Variants in RLBP1 observed in about 807,000 individuals in gnomAD.
RLBP1 encodes retinaldehyde-binding protein 1.
A neutral mutation model predicts 36.2 loss-of-function variants in RLBP1; 26 were observed. The ratio of observed to expected loss-of-function variants is 0.72; its 90% CI spans 0.53 to 1.00. RLBP1 has a LOEUF of 1.00. RLBP1 is among the 50% of genes least tolerant of loss of function. The probability of loss-of-function intolerance (pLI) is 0.00; values close to 1 mark genes in which losing one functional copy is unlikely to be tolerated. For synonymous variants in RLBP1, 155 were observed against 156.2 expected (o/e 0.99, Z 0.06); for missense variants, 410 against 402.4 (o/e 1.02, Z -0.16).
intron 2 of RLBP1, among the ~76,000 whole-genome samples, chr15:89,219,339 C>T (rs1204979996): frequency 1.3e-5 from 2 of 152,156 alleles, no homozygotes; most frequent in Non-Finnish European, 2.9e-5. Context: ...ATAGCTCAGT[C>T]CTTAGATGTT....
chr15:89,212,741 T>C (rs2051549408), intron 6 of RLBP1, among the ~76,000 whole-genome samples: 1 of 151,634 alleles, frequency 6.6e-6, no homozygotes, highest in South Asian at 2.1e-4. Flanking sequence ...CTGTAATTTT[T>C]TTTTTGAGAT....
rs368935681 is a variant in RLBP1, at chr15:89,218,728, C to T, written c.13-35G>A. Reference sequence around the variant, plus strand: ...GAAAGGAAAAAGAGGAACAGCCAACCGCATCAGCCTGAGCCAGCCAGGGAA... The same window carrying T: ...GAAAGGAAAAAGAGGAACAGCCAACTGCATCAGCCTGAGCCAGCCAGGGAA... On this transcript the variant is annotated intron_variant, in intron 3 of 8. Coordinates refer to ENST00000268125, the MANE Select transcript of RLBP1 (RefSeq NM_000326.5). This position sits in a 1 kb window ranked among gnomAD's most constrained non-coding sequence, Gnocchi z 4.6. The T allele has an allele frequency of 6.6e-5, 106 of 1,612,118 alleles. No individual in the cohort carries two copies. The highest frequency in any genetic ancestry group is 8.0e-5 in the African/African-American group (6 of 74,920).
At position 89,210,718 on chromosome 15, in the gene RLBP1, T is replaced by G. The variant is rs2051530526; in HGVS notation, c.776A>C (p.Lys259Thr). ...TTYNVVKPFLKSKLLERVFVH... is the reference protein window; with the variant it reads ...TTYNVVKPFLTSKLLERVFVH... ...ACTCACCCTCTCAAGCAGCTTGCTC[T>G]TCAAGAAGGGCTTGACCACATTGTA... is the stretch of plus-strand genomic sequence containing the variant. The change falls in exon 8 of 9, where the codon AAG (lysine) becomes ACG (threonine). Residue 259 changes from lysine to threonine, a missense_variant. Lys to Thr is a moderately conservative substitution (Grantham distance 78). Coordinates refer to ENST00000268125, the MANE Select transcript of RLBP1 (RefSeq NM_000326.5). The surrounding 1 kb of genome is among the most constrained non-coding windows in gnomAD (Gnocchi z 4.7). 3 of 1,598,984 alleles carry G rather than the reference T, an allele frequency of 1.9e-6. No individual in the cohort carries two copies. In the South Asian group the frequency reaches 3.4e-5, roughly 18 times the overall value.
Position 89,210,701 on chromosome 15 carries a change from T to G in RLBP1, c.793A>C (p.Arg265=). The G allele has an allele frequency of 6.3e-7, 1 of 1,589,814 alleles. No homozygotes were observed. Among genetic ancestry groups the G allele is most frequent in the Non-Finnish European group, 8.6e-7 (1 of 1,165,598 alleles). ...KPFLKSKLLE[R]VFVHGDDLSG... ...GTCTGGGCGGCCCACGTACTCACCC[T>G]CTCAAGCAGCTTGCTCTTCAAGAAG... Residue 265 remains arginine, a splice_region_variant and synonymous_variant, in exon 8 of 9, where the codon AGG becomes CGG. Coordinates refer to ENST00000268125, the MANE Select transcript of RLBP1 (RefSeq NM_000326.5). This position sits in a 1 kb window ranked among gnomAD's most constrained non-coding sequence, Gnocchi z 4.7.
chr15:89,210,211 C>A lies in RLBP1; in HGVS notation c.*74G>T. 1 of 1,574,922 alleles carries A rather than the reference C, an allele frequency of 6.3e-7. No homozygotes were observed. The highest frequency in any genetic ancestry group is 1.7e-5 in the Admixed American group (1 of 59,974). On this transcript the variant is annotated 3_prime_UTR_variant, in exon 9 of 9. Coordinates refer to ENST00000268125, the MANE Select transcript of RLBP1 (RefSeq NM_000326.5). This position sits in a 1 kb window ranked among gnomAD's most constrained non-coding sequence, Gnocchi z 4.7. Reference sequence around the variant, plus strand: ...CCACAGTCATCTCAAGCAGCCCTTTCCTAGCCTTGGGTCCAGGACAGTTGA... The same window carrying A: ...CCACAGTCATCTCAAGCAGCCCTTTACTAGCCTTGGGTCCAGGACAGTTGA...
intron 6 of RLBP1, among the ~76,000 whole-genome samples, chr15:89,213,835 T>C (rs1193516413): frequency 6.6e-6 from 1 of 152,168 alleles, no homozygotes; most frequent in Non-Finnish European, 1.5e-5. Flanking sequence ...CAAAACATAC[T>C]CCTAATATTT....
At chr15:89,215,001 C>G in intron 6 of RLBP1, 59 bp downstream of exon 6, 1 of 1,568,054 alleles carries the variant, frequency 6.4e-7, no homozygotes, top group African/African-American at 1.3e-5. Context: ...CCAGTAGAGG[C>G]CAGGGTTGAG....
Position 89,211,801 on chromosome 15 carries a change from A to G in RLBP1, c.626T>C (p.Met209Thr), listed in dbSNP as rs775355367. Reference protein sequence around the residue: ...CIIENFKGFTMQQAASLRTSD... With the variant: ...CIIENFKGFTTQQAASLRTSD... ...AGTCCGGAGACTAGCAGCCTGCTGC[A>G]TGGTAAAGCCCTTGAAGTTCTCAAT... is the stretch of plus-strand genomic sequence containing the variant. Residue 209 changes from methionine to threonine, a missense_variant, in exon 7 of 9, where the codon ATG becomes ACG. Met to Thr is a moderately conservative substitution (Grantham distance 81). Coordinates refer to ENST00000268125, the MANE Select transcript of RLBP1 (RefSeq NM_000326.5). This position sits in a 1 kb window ranked among gnomAD's most constrained non-coding sequence, Gnocchi z 5.8. 5.0e-6 allele frequency: 8 copies of G among 1,614,100 alleles called. No individual in the cohort carries two copies. The East Asian group carries it at 1.3e-4, about 27-fold the overall frequency.
chr15:89,219,076 C>T lies in RLBP1; in HGVS notation c.-100-1G>A, dbSNP rs2051606876. The stretch of plus-strand genomic sequence containing the variant: ...CCTTCCCTAGGATAGGAAGTCAGGG[C>T]TGCAGGGGTTAGAAAAACCATTCTG... On this transcript the variant is annotated splice_acceptor_variant, in intron 2 of 8. Transcript: ENST00000268125. LOFTEE classifies it low-confidence loss of function (5UTR_SPLICE). The T allele has an allele frequency of 3.6e-6, 5 of 1,391,478 alleles. No individual in the cohort carries two copies. Among genetic ancestry groups the T allele is most frequent in the Non-Finnish European group, 5.1e-6 (5 of 980,538 alleles). 86.2% of individuals were successfully genotyped at this position (1,391,478 alleles called of 1,614,324 possible). A position where few individuals can be genotyped will look rare whatever the true frequency, so the allele number is the denominator to read the frequency against.
rs886207068 is a variant in RLBP1, at chr15:89,219,048, G to T, written c.-73C>A. 2.5e-6 allele frequency: 4 copies of T among 1,592,634 alleles called. No individual in the cohort carries two copies. Among genetic ancestry groups the T allele is most frequent in the Non-Finnish European group, 2.6e-6 (3 of 1,161,480 alleles). Reference sequence around the variant, plus strand: ...TTCTCTGTCCTGGCCTCTCCAGCCGGCCCCTTCCCTAGGATAGGAAGTCAG... The same window carrying T: ...TTCTCTGTCCTGGCCTCTCCAGCCGTCCCCTTCCCTAGGATAGGAAGTCAG... On this transcript the variant is annotated 5_prime_UTR_variant, in exon 3 of 9. Transcript: ENST00000268125.
chr15:89,212,283 T>C (rs937928100), intron 6 of RLBP1, among the ~76,000 whole-genome samples: 2 of 152,158 alleles, frequency 1.3e-5, no homozygotes, highest in Non-Finnish European at 2.9e-5. Context: ...ATCCCATTAT[T>C]GTAAGAAAAA....
rs1019512521 is a variant in RLBP1, at chr15:89,210,500, G to T, written c.796-57C>A. The T allele has an allele frequency of 1.0e-5, 16 of 1,592,282 alleles. No homozygotes were observed. In the African/African-American group the frequency reaches 1.5e-4, roughly 15 times the overall value. On this transcript the variant is annotated intron_variant, in intron 8 of 8. Coordinates refer to ENST00000268125, the MANE Select transcript of RLBP1 (RefSeq NM_000326.5). The surrounding 1 kb of genome is among the most constrained non-coding windows in gnomAD (Gnocchi z 4.7). The stretch of plus-strand genomic sequence containing the variant: ...AGGAGGAGGTGCCCTAAGGATGAGG[G>T]TTGAGGGAGGAAAGGGGCAGGAGGA...
intron 2 of RLBP1, among the ~76,000 whole-genome samples, 158 bp from the exon 3 acceptor site, chr15:89,219,233 A>T (rs914805440): frequency 3.3e-5 from 5 of 152,294 alleles, no homozygotes; most frequent in East Asian, 3.9e-4. Flanking sequence ...GTGGCCTAGG[A>T]ACCTGCAATT....
In RLBP1 at chr15:89,211,845, T is replaced by C. The variant is rs755543492; in HGVS notation, c.582A>G (p.Gln194=). 6 of 1,614,104 alleles carry C rather than the reference T, an allele frequency of 3.7e-6. No homozygotes were observed. Among genetic ancestry groups the C allele is most frequent in the Non-Finnish European group, 5.1e-6 (6 of 1,180,042 alleles). The change falls in exon 7 of 9, where the codon CAA becomes CAG. Residue 194 remains glutamine, a synonymous_variant. Coordinates refer to ENST00000268125, the MANE Select transcript of RLBP1 (RefSeq NM_000326.5). The surrounding 1 kb of genome is among the most constrained non-coding windows in gnomAD (Gnocchi z 5.8). ...LEKLLENEET[Q]INGFCIIENF... is the part of the protein sequence containing the mutation. ...TCTCAATGATGCAGAAGCCATTGAT[T>C]TGAGTTTCCTCATTCTCCAGCAGCT...
At position 89,211,954 on chromosome 15, in the gene RLBP1, G is replaced by C; in HGVS notation, c.526-53C>G. On this transcript the variant is annotated intron_variant, in intron 6 of 8. Transcript: ENST00000268125. The surrounding 1 kb of genome is among the most constrained non-coding windows in gnomAD (Gnocchi z 5.8). The stretch of plus-strand genomic sequence containing the variant: ...GATCTAACCCGCAACAATAATTAAG[G>C]CTTGAGGTCCTGAGGGGAGAGCTAA... 3 of 1,596,898 alleles carry C rather than the reference G, an allele frequency of 1.9e-6. No homozygotes were observed. Among genetic ancestry groups the C allele is most frequent in the Non-Finnish European group, 2.6e-6 (3 of 1,166,464 alleles).
Position 89,210,833 on chromosome 15 carries a change from G to T in RLBP1, c.685-24C>A, listed in dbSNP as rs759514093. ...TCCTGCGGTGACAGAGAGATACCCCGTTCCCCATGGCCCCAGTGACCTCAG... is the reference window on the plus strand; with the variant it reads ...TCCTGCGGTGACAGAGAGATACCCCTTTCCCCATGGCCCCAGTGACCTCAG... On this transcript the variant is annotated intron_variant, in intron 7 of 8. Transcript: ENST00000268125. This position sits in a 1 kb window ranked among gnomAD's most constrained non-coding sequence, Gnocchi z 4.7. 3 of 1,494,852 alleles carry T rather than the reference G, an allele frequency of 2.0e-6. No homozygotes were observed. Among genetic ancestry groups the T allele is most frequent in the Non-Finnish European group, 2.7e-6 (3 of 1,093,310 alleles). The allele number at this position is 1,494,852 out of a possible 1,614,324, so 92.6% of individuals were successfully genotyped here.
intron 2 of RLBP1, 81 bp from the exon 3 acceptor site, chr15:89,219,156 G>A (rs780477597): frequency 1.1e-5 from 8 of 734,758 alleles, no homozygotes; most frequent in African/African-American, 1.7e-5. Flanking sequence ...AATCACCCGA[G>A]GCATTTGTTA....
rs2051560721 is a variant in RLBP1 at position 89,214,261 on chromosome 15, G to A, written c.525+799C>T. Among the ~76,000 whole-genome samples the A allele has an allele frequency of 6.6e-6, 1 of 152,112 alleles. No homozygotes were observed. The highest frequency in any genetic ancestry group is 1.5e-5 in the Non-Finnish European group (1 of 68,028). The stretch of plus-strand genomic sequence containing the variant: ...GGATCACTTGAGCTCAGGAGTTTGA[G>A]ACCAGCCTGGCCAACATGGTGAAAC... On this transcript the variant is annotated intron_variant, in intron 6 of 8. Transcript: ENST00000268125. The surrounding 1 kb of genome is among the most constrained non-coding windows in gnomAD (Gnocchi z 4.6).
Position 89,210,196 on chromosome 15 carries a change from C to T in RLBP1, c.*89G>A, listed in dbSNP as rs1453135707. The T allele has an allele frequency of 6.6e-7, 1 of 1,512,382 alleles. No homozygotes were observed. 93.7% of individuals were successfully genotyped at this position (1,512,382 alleles called of 1,614,324 possible). ...GAGTCTAAGGGGGGACCACAGTCAT[C>T]TCAAGCAGCCCTTTCCTAGCCTTGG... On this transcript the variant is annotated 3_prime_UTR_variant, in exon 9 of 9. Coordinates refer to ENST00000268125, the MANE Select transcript of RLBP1 (RefSeq NM_000326.5). This position sits in a 1 kb window ranked among gnomAD's most constrained non-coding sequence, Gnocchi z 4.7.
Sources: gnomAD v4.1 joint callset for allele counts (sites outside exome capture counted in the v4.1 genomes callset) on GRCh38, gnomAD v4.1.1 for gene constraint, Gnocchi (gnomAD v3.1) non-coding constraint, MANE v1.5 for transcripts, NCBI Gene and HGNC (gene_info 2026-07-23, HGNC 2026-07-21) for gene names.